Variants in TMTC1 observed in about 807,000 individuals in gnomAD.
The protein encoded by TMTC1 is transmembrane O-mannosyltransferase targeting cadherins 1.
A neutral mutation model predicts 104.8 loss-of-function variants in TMTC1; 73 were observed. The ratio of observed to expected loss-of-function variants is 0.70; its 90% CI spans 0.58 to 0.85. TMTC1 has a LOEUF of 0.85. TMTC1 is among the 40% of genes least tolerant of loss of function. The probability of loss-of-function intolerance (pLI) is 0.00; values close to 1 mark genes in which losing one functional copy is unlikely to be tolerated. For synonymous variants in TMTC1, 434 were observed against 428.7 expected (o/e 1.01, Z -0.15); for missense variants, 1,035 against 1,096.1 (o/e 0.94, Z 0.79).
intron 6 of TMTC1, among the ~76,000 whole-genome samples, chr12:29,628,342 A>G (rs1381231215): frequency 6.6e-6 from 1 of 152,184 alleles, no homozygotes; most frequent in East Asian, 1.9e-4. Flanking sequence ...TATGGTGTTA[A>G]GTGAAAGAAG....
chr12:29,556,197 T>G (rs866593688), intron 10 of TMTC1, among the ~76,000 whole-genome samples: 9 of 152,284 alleles, frequency 5.9e-5, no homozygotes, highest in South Asian at 2.1e-4. Flanking sequence ...TTCAGTAACT[T>G]TAATCACACT....
chr12:29,713,300 T>TACACACAA (rs1555190909), intron 5 of TMTC1, among the ~76,000 whole-genome samples: 1 of 134,410 alleles, frequency 7.4e-6, no homozygotes, highest in Non-Finnish European at 1.6e-5. Flanking sequence ...CATAAACACA[T>TACACACAA]ACACACACAC....
At chr12:29,546,845 G>A (rs189747596) in intron 10 of TMTC1, among the ~76,000 whole-genome samples, 2 of 152,214 alleles carry the variant, frequency 1.3e-5, no homozygotes, top group East Asian at 1.9e-4. Flanking sequence ...TGCTATGATC[G>A]CACCTGTGAA....
At position 29,563,252 on chromosome 12, in the gene TMTC1, C is replaced by T. The variant is rs143995119; in HGVS notation, c.1533-6252G>A. Reference sequence around the variant, plus strand: ...AATATGCTCAAGACCAAATGGAATTCCAGACACGTGTAATTGAAAAAGCTA... The same window carrying T: ...AATATGCTCAAGACCAAATGGAATTTCAGACACGTGTAATTGAAAAAGCTA... On this transcript the variant is annotated intron_variant, in intron 9 of 17. Transcript: ENST00000539277. Among the ~76,000 whole-genome samples, 153 of 152,256 alleles carry T rather than the reference C, an allele frequency of 1.0e-3. 3 individuals carry two copies. The highest frequency in any genetic ancestry group is 6.0e-3 in the South Asian group (29 of 4,830).
At chr12:29,623,718 C>G (rs1045559785) in intron 6 of TMTC1, among the ~76,000 whole-genome samples, 1 of 152,076 alleles carries the variant, frequency 6.6e-6, no homozygotes, top group African/African-American at 2.4e-5. Context: ...GAGGCTGAGA[C>G]AGGAGAATCG....
At chr12:29,567,679 C>A (rs1206784828) in intron 9 of TMTC1, among the ~76,000 whole-genome samples, 1 of 152,146 alleles carries the variant, frequency 6.6e-6, no homozygotes, top group Non-Finnish European at 1.5e-5. Context: ...TATCCAAGTC[C>A]ACCTGTAGTC....
chr12:29,717,548 A>C (rs1206681237), intron 5 of TMTC1, among the ~76,000 whole-genome samples: 1 of 152,262 alleles, frequency 6.6e-6, no homozygotes, highest in Non-Finnish European at 1.5e-5. Context: ...ATTAATGCAC[A>C]GTTTCACAAA....
Position 29,783,290 on chromosome 12 carries a change from G to A in TMTC1, c.302+160C>T, listed in dbSNP as rs962685675. 1.3e-5 allele frequency among the ~76,000 whole-genome samples: 2 copies of A among 152,138 alleles called. No individual in the cohort carries two copies. The highest frequency in any genetic ancestry group is 1.5e-5 in the Non-Finnish European group (1 of 68,032). The stretch of plus-strand genomic sequence containing the variant: ...CCAGATTAGCCGGGCAGTGGATCCC[G>A]GAGCAAAGTGCCATGCACATCCTGG... On this transcript the variant is annotated intron_variant, in intron 1 of 17. Transcript: ENST00000539277. This position sits in a 1 kb window ranked among gnomAD's most constrained non-coding sequence, Gnocchi z 4.7.
At chr12:29,713,364 C>T (rs939861584) in intron 5 of TMTC1, among the ~76,000 whole-genome samples, 2 of 149,094 alleles carry the variant, frequency 1.3e-5, no homozygotes, top group African/African-American at 4.9e-5. Context: ...GAGAGAGATC[C>T]TATTTCTTCA....
chr12:29,778,207 A>G (rs1413673824), intron 1 of TMTC1, among the ~76,000 whole-genome samples: 1 of 152,256 alleles, frequency 6.6e-6, no homozygotes, highest in Non-Finnish European at 1.5e-5. Context: ...AATAGGCTAA[A>G]CACACAGAGA....
chr12:29,586,831 G>A lies in TMTC1; in HGVS notation c.1251-3257C>T, dbSNP rs1946148838. On this transcript the variant is annotated intron_variant, in intron 7 of 17. Coordinates refer to ENST00000539277, the MANE Select transcript of TMTC1 (RefSeq NM_001193451.2). ...GCTTTTTGATGTGCTGCTGGATTCG[G>A]TTTGCCAGTATTTTATTGAGGATTT... Among the ~76,000 whole-genome samples the A allele has an allele frequency of 2.0e-5, 3 of 151,268 alleles. 1 individual carries two copies. Among genetic ancestry groups the A allele is most frequent in the Admixed American group, 2.0e-4 (3 of 15,218 alleles).
At chr12:29,668,624 C>T (rs1285038897) in intron 5 of TMTC1, among the ~76,000 whole-genome samples, 1 of 152,062 alleles carries the variant, frequency 6.6e-6, no homozygotes, top group South Asian at 2.1e-4. Flanking sequence ...CCATGCCTGG[C>T]TAATTTTTGT....
chr12:29,535,773 T>C (rs73263823), intron 11 of TMTC1: 5,007 of 163,186 alleles, frequency 0.031, 259 homozygotes, highest in African/African-American at 0.11. Flanking sequence ...ATAAAAACTA[T>C]TCTCTTAGGA....
At chr12:29,746,723 T>C (rs1019104114) in intron 5 of TMTC1, among the ~76,000 whole-genome samples, 1 of 152,228 alleles carries the variant, frequency 6.6e-6, no homozygotes, top group Non-Finnish European at 1.5e-5. Flanking sequence ...TGTTCTCTAG[T>C]CCTAAACTTG....
Position 29,633,206 on chromosome 12 carries a change from T to C in TMTC1, c.1069A>G (p.Thr357Ala). ...ETIWDMRNLATIFLAVVMALL... is the reference protein window; with the variant it reads ...ETIWDMRNLAAIFLAVVMALL... ...GCCATCACAACCGCCAGAAAGATGGTGGCTAAGTTCCGCATGTCCCATATG... is the reference window on the plus strand; with the variant it reads ...GCCATCACAACCGCCAGAAAGATGGCGGCTAAGTTCCGCATGTCCCATATG... The change falls in exon 6 of 18, where the codon ACC becomes GCC. Residue 357 changes from threonine (T) to alanine (A), a missense_variant. Thr to Ala is a moderately conservative substitution (Grantham distance 58). Coordinates refer to ENST00000539277, the MANE Select transcript of TMTC1 (RefSeq NM_001193451.2). 6.2e-7 allele frequency: 1 copy of C among 1,613,986 alleles called. No homozygotes were observed. Among genetic ancestry groups the C allele is most frequent in the South Asian group, 1.1e-5 (1 of 91,074 alleles).
intron 11 of TMTC1, among the ~76,000 whole-genome samples, chr12:29,523,367 T>C (rs1378763840): frequency 6.6e-6 from 1 of 152,144 alleles, no homozygotes; most frequent in Admixed American, 6.5e-5. Context: ...GGTACAGAAA[T>C]GGCTGAATTG....
chr12:29,586,215 T>C (rs2136339075), intron 7 of TMTC1, among the ~76,000 whole-genome samples: 1 of 152,192 alleles, frequency 6.6e-6, no homozygotes, highest in Non-Finnish European at 1.5e-5. Context: ...TGAATGGGAG[T>C]TCACTCATGA....
rs1282222002 is a variant in TMTC1, at chr12:29,783,258, C to G, written c.302+192G>C. Among the ~76,000 whole-genome samples, 1 of 152,162 alleles carries G rather than the reference C, an allele frequency of 6.6e-6. No homozygotes were observed. The highest frequency in any genetic ancestry group is 6.5e-5 in the Admixed American group (1 of 15,286). On this transcript the variant is annotated intron_variant, in intron 1 of 17. Coordinates refer to ENST00000539277, the MANE Select transcript of TMTC1 (RefSeq NM_001193451.2). This position sits in a 1 kb window ranked among gnomAD's most constrained non-coding sequence, Gnocchi z 4.7. ...CCAGCCGGCGCCTCCCGAACCGCCC[C>G]GAGAGCCCAGATTAGCCGGGCAGTG...
chr12:29,511,409 C>T (rs780908986), intron 17 of TMTC1, among the ~76,000 whole-genome samples: 6 of 151,906 alleles, frequency 3.9e-5, no homozygotes, highest in African/African-American at 9.7e-5. Context: ...ATAGGATGTT[C>T]GCCATAAATG....
Sources: allele counts gnomAD v4.1 joint callset (sites outside exome capture counted in the v4.1 genomes callset), GRCh38; gene constraint gnomAD v4.1.1; non-coding constraint Gnocchi (gnomAD v3.1); transcripts MANE v1.5; gene names NCBI Gene and HGNC (gene_info 2026-07-23, HGNC 2026-07-21).